DOCK2: variants seen among roughly 807,000 people sequenced by gnomAD.
DOCK2 encodes dedicator of cytokinesis protein 2.
A neutral mutation model predicts 248.9 loss-of-function variants in DOCK2; 87 were observed. The observed-to-expected ratio is 0.35, with a 90% CI of 0.29 to 0.42. DOCK2 has a LOEUF of 0.42. Ranked by LOEUF, DOCK2 falls within the 10% of genes least tolerant of loss-of-function variation. DOCK2 has a pLI of 1.00. For synonymous variants in DOCK2, 805 were observed against 821.6 expected (o/e 0.98, Z 0.35); for missense variants, 1,747 against 2,300.2 (o/e 0.76, Z 4.92).
At chr5:170,055,145 A>C (rs546220774) in intron 41 of DOCK2, among the ~76,000 whole-genome samples, 160 bp from the exon 42 acceptor site, 2 of 152,326 alleles carry the variant, frequency 1.3e-5, no homozygotes, top group East Asian at 3.9e-4. Context: ...GTGACTAACT[A>C]GTCATTAGTG....
intron 25 of DOCK2, among the ~76,000 whole-genome samples, chr5:169,784,913 C>T (rs1765903247): frequency 3.3e-5 from 5 of 152,214 alleles, no homozygotes; most frequent in Admixed American, 3.3e-4. Flanking sequence ...AGGTTTCCCA[C>T]TGAAAAACAT....
chr5:169,685,763 C>T (rs1201626133), intron 8 of DOCK2, among the ~76,000 whole-genome samples: 1 of 152,186 alleles, frequency 6.6e-6, no homozygotes, highest in Non-Finnish European at 1.5e-5. Context: ...TACATTGTCT[C>T]ATCTAATCCT....
chr5:169,650,456 C>G (rs566057417), intron 1 of DOCK2, among the ~76,000 whole-genome samples: 3 of 152,274 alleles, frequency 2.0e-5, no homozygotes, highest in African/African-American at 7.2e-5. Flanking sequence ...TTGCACAAAG[C>G]ACAGAGACCC....
chr5:169,719,254 G>A (rs1762068824), intron 22 of DOCK2, among the ~76,000 whole-genome samples: 1 of 152,214 alleles, frequency 6.6e-6, no homozygotes, highest in Non-Finnish European at 1.5e-5. Flanking sequence ...GTGAGCTGAT[G>A]TATTAGAGTA....
chr5:169,734,188 T>TTC (rs2113636178), intron 22 of DOCK2, among the ~76,000 whole-genome samples: 1 of 152,296 alleles, frequency 6.6e-6, no homozygotes, highest in East Asian at 1.9e-4. Flanking sequence ...GAGGTTTTTC[T>TTC]TTCAATTACA....
At chr5:169,689,441 C>G in intron 9 of DOCK2, 108 bp downstream of exon 9, 1 of 1,167,750 alleles carries the variant, frequency 8.6e-7, no homozygotes. Flanking sequence ...TCCTGCAGAG[C>G]TGTGTTGTGG....
chr5:170,074,490 C>CACAG (rs1304316047), intron 46 of DOCK2, among the ~76,000 whole-genome samples: 1 of 152,158 alleles, frequency 6.6e-6, no homozygotes, highest in African/African-American at 2.4e-5. Context: ...CGGAATGACC[C>CACAG]ACAGACGTCT....
intron 27 of DOCK2, among the ~76,000 whole-genome samples, chr5:169,917,468 A>G (rs1298274079): frequency 6.6e-6 from 1 of 152,180 alleles, no homozygotes; most frequent in African/African-American, 2.4e-5. Context: ...TACTGTGACT[A>G]TCAGTGGAGC....
intron 29 of DOCK2, among the ~76,000 whole-genome samples, chr5:169,993,956 G>C (rs1165661567): frequency 6.6e-6 from 1 of 152,134 alleles, no homozygotes; most frequent in Non-Finnish European, 1.5e-5. Flanking sequence ...TCCAGGTGTA[G>C]GATATGAGAG....
intron 26 of DOCK2, among the ~76,000 whole-genome samples, chr5:169,812,986 A>G (rs1024179209): frequency 6.6e-6 from 1 of 152,264 alleles, no homozygotes; most frequent in Non-Finnish European, 1.5e-5. Flanking sequence ...TGCTGGAGGC[A>G]GGCCTTCCCT....
At chr5:169,841,551 C>A in intron 27 of DOCK2, 1 of 749,734 alleles carries the variant, frequency 1.3e-6, no homozygotes, top group Non-Finnish European at 1.6e-6. Context: ...GTCCATCTCA[C>A]TCAGAATAAA....
intron 9 of DOCK2, 28 bp downstream of exon 9, chr5:169,689,361 G>C (rs749968847): frequency 4.3e-6 from 7 of 1,611,966 alleles, no homozygotes; most frequent in Non-Finnish European, 5.9e-6. Context: ...TCTCGTTACC[G>C]TGCTCCCCAA....
Position 170,015,571 on chromosome 5 carries a change from G to T in DOCK2, c.3233-3389G>T, listed in dbSNP as rs377447877. ...TTTGAACTGATTTTAGGTTTTTTTT[G>T]TTTGTTTGTTTGTTTGTTTTTAATC... On this transcript the variant is annotated intron_variant, in intron 32 of 51. Transcript: ENST00000520908. Among the ~76,000 whole-genome samples the T allele has an allele frequency of 4.2e-3, 616 of 148,288 alleles. 2 individuals carry two copies. The highest frequency in any genetic ancestry group is 0.01 in the Middle Eastern group (3 of 292).
At chr5:169,787,498 C>T (rs915437434) in intron 25 of DOCK2, among the ~76,000 whole-genome samples, 2 of 152,190 alleles carry the variant, frequency 1.3e-5, no homozygotes, top group African/African-American at 2.4e-5. Flanking sequence ...TACAGGTGGG[C>T]TCACTGGGCC....
At chr5:169,864,882 C>A (rs1400612547) in intron 27 of DOCK2, among the ~76,000 whole-genome samples, 1 of 152,144 alleles carries the variant, frequency 6.6e-6, no homozygotes, top group Admixed American at 6.5e-5. Flanking sequence ...GTAATAAGAG[C>A]ACCTATCTCA....
intron 10 of DOCK2, among the ~76,000 whole-genome samples, chr5:169,696,330 C>T (rs1169552775): frequency 6.6e-6 from 1 of 152,246 alleles, no homozygotes; most frequent in East Asian, 1.9e-4. Flanking sequence ...TCACCTACCA[C>T]ACATCTAAAT....
At chr5:169,887,744 A>G (rs1264449056) in intron 27 of DOCK2, among the ~76,000 whole-genome samples, 1 of 152,204 alleles carries the variant, frequency 6.6e-6, no homozygotes, top group Non-Finnish European at 1.5e-5. Flanking sequence ...AAATGCCTAG[A>G]AGAAGAATTA....
chr5:169,854,273 C>T (rs1770780550), intron 27 of DOCK2, among the ~76,000 whole-genome samples: 2 of 151,948 alleles, frequency 1.3e-5, no homozygotes, highest in Non-Finnish European at 2.9e-5. Flanking sequence ...GCAACCTCCA[C>T]CTCCCAGGTT....
At chr5:169,812,095 A>G (rs1767792316) in intron 26 of DOCK2, among the ~76,000 whole-genome samples, 1 of 152,230 alleles carries the variant, frequency 6.6e-6, no homozygotes. Flanking sequence ...CCCTGGGTCC[A>G]TGGCCTGTTA....
Sources: allele counts gnomAD v4.1 joint callset (sites outside exome capture counted in the v4.1 genomes callset), GRCh38; gene constraint gnomAD v4.1.1; transcripts MANE v1.5; gene names NCBI Gene and HGNC (gene_info 2026-07-23, HGNC 2026-07-21).